The following MAP2K4 variants were observed in gnomAD, a reference collection of about 807,000 sequenced individuals.
MAP2K4 encodes the protein mitogen-activated protein kinase kinase 4.
Under a neutral mutation model 48.5 loss-of-function variants are expected in MAP2K4, and 4 were observed. The observed-to-expected ratio is 0.08, with a 90% confidence interval of 0.04 to 0.19. The LOEUF (loss-of-function observed/expected upper bound fraction) is 0.19. MAP2K4 is among the 10% of genes least tolerant of loss of function. The probability of loss-of-function intolerance (pLI) is 1.00; values close to 1 mark genes in which losing one functional copy is unlikely to be tolerated. For synonymous variants in MAP2K4, 166 were observed against 173.1 expected (o/e 0.96, Z 0.32); for missense variants, 258 against 493.3 (o/e 0.52, Z 4.52).
At chr17:12,028,123 C>T (rs749687226) in intron 1 of MAP2K4, among the ~76,000 whole-genome samples, 3 of 152,028 alleles carry the variant, frequency 2.0e-5, no homozygotes, top group African/African-American at 4.8e-5. Flanking sequence ...GATACTTGCC[C>T]GAAGGAACAT....
Position 12,142,784 on chromosome 17 carries a change from G to A in MAP2K4, c.*1524G>A, listed in dbSNP as rs1331317306. On this transcript the variant is annotated 3_prime_UTR_variant, in exon 11 of 11. Transcript: ENST00000353533. The stretch of plus-strand genomic sequence containing the variant: ...TTACCCATTAGCCAGGTTCTCATTA[G>A]GTTTTGCTTGGGCCTCCCTGGCACT... The A allele has an allele frequency of 4.3e-6, 1 of 232,780 alleles. No individual in the cohort carries two copies. The highest frequency in any genetic ancestry group is 8.5e-6 in the Non-Finnish European group (1 of 117,812). The allele number at this position is 232,780 out of a possible 1,614,324, so 14.4% of individuals were successfully genotyped here.
intron 5 of MAP2K4, 40 bp from the exon 6 acceptor site, chr17:12,110,335 G>T (rs770369853): frequency 6.9e-7 from 1 of 1,442,800 alleles, no homozygotes; most frequent in Non-Finnish European, 9.8e-7. Flanking sequence ...TGAATAAAAA[G>T]AAACAAGTTG....
At chr17:12,026,323 T>A (rs1398263508) in intron 1 of MAP2K4, among the ~76,000 whole-genome samples, 1 of 152,138 alleles carries the variant, frequency 6.6e-6, no homozygotes, top group African/African-American at 2.4e-5. Context: ...GCCCATAGAG[T>A]TTCCTTATTT....
chr17:12,035,113 C>T (rs1193130584), intron 1 of MAP2K4, among the ~76,000 whole-genome samples: 2 of 152,190 alleles, frequency 1.3e-5, no homozygotes, highest in African/African-American at 2.4e-5. Flanking sequence ...CTGTGATTTG[C>T]ATGACTTAAA....
At chr17:12,021,027 C>T (rs1567618818) in intron 1 of MAP2K4, 26 bp downstream of exon 1, 1 of 1,181,316 alleles carries the variant, frequency 8.5e-7, no homozygotes, top group Non-Finnish European at 1.1e-6. Flanking sequence ...GCGCCGAGAT[C>T]CCAGCCCCCT....
At chr17:12,130,342 G>A (rs922627615) in intron 9 of MAP2K4, among the ~76,000 whole-genome samples, 13 of 152,102 alleles carry the variant, frequency 8.5e-5, no homozygotes, top group African/African-American at 3.1e-4. Flanking sequence ...ACTCAAATTG[G>A]CTGCTTCCTC....
chr17:12,132,216 G>A (rs1157073425), intron 9 of MAP2K4, among the ~76,000 whole-genome samples: 1 of 152,150 alleles, frequency 6.6e-6, no homozygotes, highest in African/African-American at 2.4e-5. Flanking sequence ...TATACACCAT[G>A]GTTCAGCAAT....
At chr17:12,139,763 T>C in intron 9 of MAP2K4, 76 bp from the exon 10 acceptor site, 3 of 1,014,294 alleles carry the variant, frequency 3.0e-6, no homozygotes, top group East Asian at 4.8e-5. Flanking sequence ...TTATTTGTAA[T>C]ATTTCATCTG....
chr17:12,122,385 G>A (rs1222507031), intron 7 of MAP2K4, among the ~76,000 whole-genome samples: 1 of 152,142 alleles, frequency 6.6e-6, no homozygotes, highest in African/African-American at 2.4e-5. Flanking sequence ...TTTCAGGCAT[G>A]TCCTTAACCG....
At chr17:12,028,782 C>T (rs1241200664) in intron 1 of MAP2K4, among the ~76,000 whole-genome samples, 1 of 152,128 alleles carries the variant, frequency 6.6e-6, no homozygotes, top group East Asian at 1.9e-4. Context: ...GATAGGAAAC[C>T]ACTTATGTCC....
intron 3 of MAP2K4, among the ~76,000 whole-genome samples, chr17:12,087,178 G>A (rs866599397): frequency 2.0e-5 from 3 of 152,104 alleles, no homozygotes; most frequent in South Asian, 2.1e-4. Flanking sequence ...CTCACTCTGC[G>A]TGGGTGTCAT....
chr17:12,111,586 G>A lies in MAP2K4; in HGVS notation c.685+1160G>A, dbSNP rs531642428. ...AGGGATATTTACTGATCACAGTAAA[G>A]CACCAAGGTACTGCCTGGGGAGTAG... is the stretch of plus-strand genomic sequence containing the variant. On this transcript the variant is annotated intron_variant, in intron 6 of 10. Transcript: ENST00000353533. Among the ~76,000 whole-genome samples, 44 of 151,710 alleles carry A rather than the reference G, an allele frequency of 2.9e-4. 1 individual carries two copies. Among genetic ancestry groups the A allele is most frequent in the African/African-American group, 1.0e-3 (43 of 41,338 alleles).
At chr17:12,120,821 A>G (rs143361160) in intron 7 of MAP2K4, among the ~76,000 whole-genome samples, 15 of 152,322 alleles carry the variant, frequency 9.8e-5, no homozygotes, top group Non-Finnish European at 1.8e-4. Flanking sequence ...TACAGTGTAC[A>G]ATAGCCTTTT....
At chr17:12,029,318 CAAG>C in intron 1 of MAP2K4, among the ~76,000 whole-genome samples, 1 of 151,934 alleles carries the variant, frequency 6.6e-6, no homozygotes. Context: ...TCATCAGTGT[CAAG>C]AATTAAGAAT....
At chr17:12,088,427 A>G (rs920393173) in intron 3 of MAP2K4, among the ~76,000 whole-genome samples, 3 of 129,284 alleles carry the variant, frequency 2.3e-5, no homozygotes, top group Non-Finnish European at 4.8e-5. Context: ...TAAATTATAT[A>G]TAATATATTA....
chr17:12,101,656 T>G (rs1415555278), intron 4 of MAP2K4, among the ~76,000 whole-genome samples: 1 of 152,118 alleles, frequency 6.6e-6, no homozygotes, highest in Non-Finnish European at 1.5e-5. Context: ...TGTTGACCCT[T>G]TTTTGTGGCA....
intron 2 of MAP2K4, among the ~76,000 whole-genome samples, chr17:12,076,036 A>G (rs1294471968): frequency 6.6e-6 from 1 of 152,132 alleles, no homozygotes; most frequent in African/African-American, 2.4e-5. Flanking sequence ...AGGTTCAAGT[A>G]CTGGTACTGC....
chr17:12,079,044 T>C (rs550549428), intron 2 of MAP2K4, among the ~76,000 whole-genome samples: 1 of 152,358 alleles, frequency 6.6e-6, no homozygotes, highest in African/African-American at 2.4e-5. Flanking sequence ...GAACTCTGGG[T>C]AGGAATCACA....
chr17:12,045,939 G>A (rs1969948082), intron 1 of MAP2K4, among the ~76,000 whole-genome samples: 1 of 152,202 alleles, frequency 6.6e-6, no homozygotes, highest in Non-Finnish European at 1.5e-5. Flanking sequence ...AATGGTCTGA[G>A]CACCTGGATA....
Sources: gnomAD v4.1 joint callset for allele counts (sites outside exome capture counted in the v4.1 genomes callset) on GRCh38, gnomAD v4.1.1 for gene constraint, MANE v1.5 for transcripts, NCBI Gene and HGNC (gene_info 2026-07-23, HGNC 2026-07-21) for gene names.